BID: variants seen among roughly 807,000 people sequenced by gnomAD.
BID encodes the protein BH3 interacting domain death agonist.
BID carries 19 observed loss-of-function variants against 17.4 expected under a neutral mutation model. That is an observed-to-expected ratio of 1.09 (90% confidence interval 0.76 to 1.60). The LOEUF (loss-of-function observed/expected upper bound fraction) is 1.60, where lower values mean the gene tolerates loss of function less well. BID is among the 40% of genes most tolerant of loss of function. The pLI, the probability that BID is intolerant of heterozygous loss-of-function variation, is 0.00. For missense variants in BID, 226 were observed against 256.0 expected, an observed-to-expected ratio of 0.88 and a Z score of 0.80; for synonymous variants, 108 against 102.8, an observed-to-expected ratio of 1.05 and a Z score of -0.31.
upstream of BID, chr22:17,774,503 C>T (rs1389533212): frequency 4.0e-6 from 1 of 248,636 alleles, no homozygotes; most frequent in Non-Finnish European, 8.5e-6. Flanking sequence ...TTCGGCCCCC[C>T]ACGCCCGGGC....
At chr22:17,772,577 A>G (rs1054394661) in intron 1 of BID, among the ~76,000 whole-genome samples, 11 of 152,174 alleles carry the variant, frequency 7.2e-5, no homozygotes, top group African/African-American at 2.7e-4. Flanking sequence ...GGCACCGGAG[A>G]GAGGATGACT....
At chr22:17,753,898 G>T (rs796299440) in intron 1 of BID, among the ~76,000 whole-genome samples, 13 of 152,296 alleles carry the variant, frequency 8.5e-5, no homozygotes, top group African/African-American at 3.1e-4. Flanking sequence ...CATTCCCCCA[G>T]TCTCCAGGAC....
rs181390 is a variant in BID, at chr22:17,739,497, A to G, written c.224-9T>C. 1,109,508 of 1,608,436 alleles carry G rather than the reference A, an allele frequency of 0.69. 385,626 individuals are homozygous for G. Among genetic ancestry groups the G allele is most frequent in the East Asian group, 0.95 (42,551 of 44,846 alleles). ...TTCTTGACTTTCAGAATCTGTGTTC[A>G]GGCAGGGGCGGCAGAGACAGAGCAG... On this transcript the variant is annotated splice_polypyrimidine_tract_variant and intron_variant, in intron 3 of 5. Coordinates refer to ENST00000622694, the MANE Select transcript of BID (RefSeq NM_001196.4).
rs2061443026 is a variant in BID, at chr22:17,739,463, G to T, written c.249C>A (p.Ile83=). 1 of 1,612,274 alleles carries T rather than the reference G, an allele frequency of 6.2e-7. No homozygotes were observed. Among genetic ancestry groups the T allele is most frequent in the African/African-American group, 1.3e-5 (1 of 74,944 alleles). Residue 83 remains isoleucine, a synonymous_variant, in exon 4 of 6, where the codon ATC becomes ATA. Transcript: ENST00000622694. ...GGGCGAGGTGCCTGGCAATATTCCGGATGATGTCTTCTTGACTTTCAGAAT... is the reference window on the plus strand; with the variant it reads ...GGGCGAGGTGCCTGGCAATATTCCGTATGATGTCTTCTTGACTTTCAGAAT... ...EADSESQEDI[I]RNIARHLAQV...
chr22:17,747,509 TG>T (rs905017557), intron 2 of BID, among the ~76,000 whole-genome samples: 2 of 151,938 alleles, frequency 1.3e-5, no homozygotes, highest in African/African-American at 4.8e-5. Flanking sequence ...TTAGTAAAGA[TG>T]GGGCTTCACC....
At position 17,773,485 on chromosome 22, in the gene BID, A is replaced by G. The variant is rs2061735530; in HGVS notation, c.-59+896T>C. 3.1e-6 allele frequency: 3 copies of G among 954,758 alleles called. No individual in the cohort carries two copies. Among genetic ancestry groups the G allele is most frequent in the Non-Finnish European group, 4.9e-6 (3 of 614,574 alleles). The allele number at this position is 954,758 out of a possible 1,614,324, so 59.1% of individuals were successfully genotyped here. ...TGAGGGTGTGGATAAGGCTCCAGGA[A>G]GGGGGTGCAAGCCTGAGAAGGTGGA... On this transcript the variant is annotated intron_variant, in intron 1 of 5. Transcript: ENST00000622694. The surrounding 1 kb of genome is among the most constrained non-coding windows in gnomAD (Gnocchi z 4.4).
At chr22:17,737,232 G>C (rs1253751283) in intron 5 of BID, among the ~76,000 whole-genome samples, 1 of 152,110 alleles carries the variant, frequency 6.6e-6, no homozygotes, top group African/African-American at 2.4e-5. Flanking sequence ...TTACAGGCTT[G>C]AGCCACCATG....
chr22:17,751,180 G>C (rs891323172), intron 1 of BID, among the ~76,000 whole-genome samples: 2 of 151,918 alleles, frequency 1.3e-5, no homozygotes, highest in East Asian at 3.9e-4. Context: ...AGACCATCCT[G>C]GCTAACAAGG....
chr22:17,760,997 A>G (rs1002594923), intron 1 of BID, among the ~76,000 whole-genome samples: 1 of 152,250 alleles, frequency 6.6e-6, no homozygotes, highest in Admixed American at 6.5e-5. Flanking sequence ...TTCCATGAAT[A>G]ACATTTACAC....
At chr22:17,751,472 TGTGC>T (rs2061539473) in intron 1 of BID, among the ~76,000 whole-genome samples, 1 of 152,048 alleles carries the variant, frequency 6.6e-6, no homozygotes, top group African/African-American at 2.4e-5. Flanking sequence ...TGTGTGTGTG[TGTGC>T]GTGTGTGTGT....
At chr22:17,746,099 C>A (rs915012686) in intron 2 of BID, among the ~76,000 whole-genome samples, 17 of 152,210 alleles carry the variant, frequency 1.1e-4, no homozygotes, top group African/African-American at 3.6e-4. Context: ...AGGCCATTAC[C>A]CTAAGTGAAC....
chr22:17,749,266 G>T (rs2061519056), intron 2 of BID, among the ~76,000 whole-genome samples: 1 of 152,196 alleles, frequency 6.6e-6, no homozygotes, highest in Admixed American at 6.5e-5. Flanking sequence ...ACCATTTAAA[G>T]GGAAGGAGAG....
intron 5 of BID, among the ~76,000 whole-genome samples, chr22:17,737,094 C>T (rs1356161997): frequency 2.0e-5 from 3 of 152,048 alleles, no homozygotes; most frequent in East Asian, 1.9e-4. Flanking sequence ...CGTGAGCCAC[C>T]GCGCCTGGCC....
chr22:17,756,776 A>G lies in BID; in HGVS notation c.-58-6602T>C, dbSNP rs150582770. ...TTTTTAGCAGAGATGGGGTTTCACT[A>G]TGTTGGCCAGGCGGGTCTCAAACTC... On this transcript the variant is annotated intron_variant, in intron 1 of 5. Transcript: ENST00000622694. Among the ~76,000 whole-genome samples the G allele has an allele frequency of 8.1e-3, 1,234 of 151,822 alleles. 23 individuals carry two copies. The highest frequency in any genetic ancestry group is 0.026 in the African/African-American group (1,060 of 41,384).
chr22:17,764,885 C>T (rs940354980), intron 1 of BID, among the ~76,000 whole-genome samples: 8 of 152,186 alleles, frequency 5.3e-5, no homozygotes, highest in African/African-American at 1.9e-4. Flanking sequence ...CTCTGCCTCA[C>T]GATTCCCTAA....
At chr22:17,768,658 G>GAT (rs776053207) in intron 1 of BID, among the ~76,000 whole-genome samples, 413 of 152,302 alleles carry the variant, frequency 2.7e-3, no homozygotes, top group Non-Finnish European at 4.6e-3. Flanking sequence ...TGGATCACGA[G>GAT]GTCAGGAGAT....
chr22:17,772,706 T>C (rs1428023502), intron 1 of BID, among the ~76,000 whole-genome samples: 8 of 152,072 alleles, frequency 5.3e-5, no homozygotes, highest in Admixed American at 5.2e-4. Context: ...GGGCAGACAG[T>C]TCCCCCTTGC....
intron 1 of BID, among the ~76,000 whole-genome samples, chr22:17,772,905 T>C (rs2145928216): frequency 6.6e-6 from 1 of 151,472 alleles, no homozygotes; most frequent in African/African-American, 2.4e-5. Context: ...CTGCACAACC[T>C]TGAGACCACC....
At chr22:17,739,615 C>G (rs549092485) in intron 3 of BID, 127 bp from the exon 4 acceptor site, 1 of 1,256,784 alleles carries the variant, frequency 8.0e-7, no homozygotes, top group African/African-American at 1.5e-5. Context: ...CCACTGGGCA[C>G]GTGCTCCACT....
Sources: gnomAD v4.1 joint callset for allele counts (sites outside exome capture counted in the v4.1 genomes callset) on GRCh38, gnomAD v4.1.1 for gene constraint, Gnocchi (gnomAD v3.1) non-coding constraint, MANE v1.5 for transcripts, NCBI Gene and HGNC (gene_info 2026-07-23, HGNC 2026-07-21) for gene names.